PTPRD: variants seen among roughly 807,000 people sequenced by gnomAD.
PTPRD encodes the protein protein tyrosine phosphatase receptor type D.
A neutral mutation model predicts 214.5 loss-of-function variants in PTPRD; 34 were observed. The ratio of observed to expected loss-of-function variants is 0.16; its 90% confidence interval spans 0.12 to 0.21. The LOEUF (loss-of-function observed/expected upper bound fraction) is 0.21, where lower values mean the gene tolerates loss of function less well. Among genes scored for constraint, PTPRD ranks in the 10% least tolerant of loss-of-function variants. PTPRD has a pLI of 1.00. For missense variants in PTPRD, 2,545 were observed against 2,398.7 expected, an observed-to-expected ratio of 1.06 and a Z score of -1.27; for synonymous variants, 1,128 against 845.7, an observed-to-expected ratio of 1.33 and a Z score of -5.79.
chr9:9,322,386 G>A (rs117300510), intron 9 of PTPRD, among the ~76,000 whole-genome samples: 3,495 of 152,092 alleles, frequency 0.023, 62 homozygotes, highest in Non-Finnish European at 0.036. Context: ...ATTCATTATT[G>A]TACAAAAAAG....
At chr9:9,797,742 G>GA (rs1047870424) in intron 5 of PTPRD, among the ~76,000 whole-genome samples, 6 of 152,172 alleles carry the variant, frequency 3.9e-5, no homozygotes, top group African/African-American at 1.4e-4. Flanking sequence ...GCTACTCGGG[G>GA]GGGGCTGAGG....
At chr9:10,611,347 T>C (rs1273816026) in intron 2 of PTPRD, among the ~76,000 whole-genome samples, 3 of 152,208 alleles carry the variant, frequency 2.0e-5, no homozygotes, top group Non-Finnish European at 4.4e-5. Context: ...AGAATCCATT[T>C]GGCAGTGATA....
At chr9:8,774,164 G>A (rs559812093) in intron 11 of PTPRD, among the ~76,000 whole-genome samples, 1 of 152,306 alleles carries the variant, frequency 6.6e-6, no homozygotes, top group Non-Finnish European at 1.5e-5. Context: ...GTGTCAAAAA[G>A]TTGGGGTGCA....
rs142734048 is a variant in PTPRD, at chr9:10,099,943, A to G, written c.-544-66153T>C. 2.6e-4 allele frequency among the ~76,000 whole-genome samples: 40 copies of G among 151,890 alleles called. No homozygotes were observed. In the East Asian group the frequency reaches 7.8e-3, roughly 30 times the overall value. On this transcript the variant is annotated intron_variant, in intron 3 of 45. Coordinates refer to ENST00000381196, the MANE Select transcript of PTPRD (RefSeq NM_002839.4). ...CTCTATAATCTATGAATGCACATTA[A>G]CATTTTAAAGGATTTGAAATTCATC...
chr9:9,773,216 C>T (rs149983541), intron 5 of PTPRD, among the ~76,000 whole-genome samples: 12 of 152,178 alleles, frequency 7.9e-5, no homozygotes, highest in Admixed American at 7.9e-4. Context: ...CCCTCCTCAT[C>T]CCCCCAAATG....
At chr9:8,413,911 GA>G (rs536397070) in intron 35 of PTPRD, among the ~76,000 whole-genome samples, 6 of 151,614 alleles carry the variant, frequency 4.0e-5, no homozygotes, top group African/African-American at 1.2e-4. Context: ...TTAAATATTA[GA>G]AAAAAAATCA....
chr9:9,288,345 G>A (rs530203107), intron 9 of PTPRD, among the ~76,000 whole-genome samples: 2 of 151,580 alleles, frequency 1.3e-5, no homozygotes, highest in Non-Finnish European at 2.9e-5. Context: ...CCTCTACTCT[G>A]GACCTTTTGC....
intron 14 of PTPRD, among the ~76,000 whole-genome samples, chr9:8,583,882 T>C (rs1321970462): frequency 6.6e-6 from 1 of 152,240 alleles, no homozygotes; most frequent in African/African-American, 2.4e-5. Flanking sequence ...CTGGGTGCAG[T>C]GGCTCATGCC....
chr9:9,924,817 G>A (rs894557997), intron 5 of PTPRD, among the ~76,000 whole-genome samples: 3 of 152,010 alleles, frequency 2.0e-5, no homozygotes, highest in African/African-American at 7.2e-5. Context: ...ACAAGGATAG[G>A]CATACCACAT....
rs2080779234 is a variant in PTPRD, at chr9:9,916,277, C to T, written c.-368+22230G>A. ...AAGGTGGTAAATACCATCATGGAAACATACAAAACTCAAATTCACTGATAC... is the reference window on the plus strand; with the variant it reads ...AAGGTGGTAAATACCATCATGGAAATATACAAAACTCAAATTCACTGATAC... On this transcript the variant is annotated intron_variant, in intron 5 of 45. Coordinates refer to ENST00000381196, the MANE Select transcript of PTPRD (RefSeq NM_002839.4). Among the ~76,000 whole-genome samples, 3 of 151,728 alleles carry T rather than the reference C, an allele frequency of 2.0e-5. No individual in the cohort carries two copies. The South Asian group carries it at 6.2e-4, about 32-fold the overall frequency.
chr9:10,455,766 A>G (rs138107108), intron 2 of PTPRD, among the ~76,000 whole-genome samples: 1 of 151,764 alleles, frequency 6.6e-6, no homozygotes, highest in East Asian at 1.9e-4. Context: ...AATTTCAGCG[A>G]TGTAGATCTT....
At chr9:8,789,506 A>G (rs2096134697) in intron 11 of PTPRD, among the ~76,000 whole-genome samples, 1 of 152,178 alleles carries the variant, frequency 6.6e-6, no homozygotes, top group African/African-American at 2.4e-5. Flanking sequence ...TCCCTGCCTT[A>G]AGGTTCTGTG....
chr9:9,009,715 T>G (rs1567568083), intron 11 of PTPRD, among the ~76,000 whole-genome samples: 1 of 152,126 alleles, frequency 6.6e-6, no homozygotes, highest in Non-Finnish European at 1.5e-5. Context: ...GATTTCATTC[T>G]GTGATGTATG....
chr9:8,610,343 A>C (rs1332987162), intron 14 of PTPRD, among the ~76,000 whole-genome samples: 1 of 152,194 alleles, frequency 6.6e-6, no homozygotes, highest in Non-Finnish European at 1.5e-5. Flanking sequence ...TATCAATTTC[A>C]GTATTCAGAG....
intron 8 of PTPRD, among the ~76,000 whole-genome samples, chr9:9,430,838 C>T (rs1259644322): frequency 1.3e-5 from 2 of 152,174 alleles, no homozygotes; most frequent in Non-Finnish European, 2.9e-5. Context: ...TCTGGGAAAA[C>T]TGGCTAGCCA....
intron 12 of PTPRD, among the ~76,000 whole-genome samples, chr9:8,708,702 A>C (rs1000491768): frequency 6.7e-6 from 1 of 149,344 alleles, no homozygotes; most frequent in African/African-American, 2.4e-5. Context: ...AAAAAAAAAA[A>C]AACAGAGCTA....
chr9:8,504,235 G>C (rs2097488434), intron 23 of PTPRD, 26 bp downstream of exon 23: 1 of 1,613,124 alleles, frequency 6.2e-7, no homozygotes, highest in Middle Eastern at 1.7e-4. Flanking sequence ...TAAAAAGGCA[G>C]AAAGTAAGCA....
At chr9:9,808,870 C>A (rs1016514709) in intron 5 of PTPRD, among the ~76,000 whole-genome samples, 1 of 152,064 alleles carries the variant, frequency 6.6e-6, no homozygotes, top group Non-Finnish European at 1.5e-5. Context: ...CTCCTGGGCT[C>A]AAGCTATCTT....
At chr9:9,364,032 C>G (rs1299250046) in intron 9 of PTPRD, among the ~76,000 whole-genome samples, 1 of 151,388 alleles carries the variant, frequency 6.6e-6, no homozygotes, top group Non-Finnish European at 1.5e-5. Context: ...TTTTACATAA[C>G]TTCTATAATA....
Sources: allele counts gnomAD v4.1 joint callset (sites outside exome capture counted in the v4.1 genomes callset), GRCh38; gene constraint gnomAD v4.1.1; transcripts MANE v1.5; gene names NCBI Gene and HGNC (gene_info 2026-07-23, HGNC 2026-07-21).